Variants in ARHGAP31 observed in about 807,000 individuals in gnomAD.
ARHGAP31 encodes the protein Rho GTPase activating protein 31, also known as rho GTPase-activating protein 31.
In ARHGAP31, 34 loss-of-function variants were observed where a neutral mutation model predicts 113.9. That is an observed-to-expected ratio of 0.30 (90% CI 0.23 to 0.40). The LOEUF (loss-of-function observed/expected upper bound fraction) is 0.40. Among genes scored for constraint, ARHGAP31 ranks in the 10% least tolerant of loss-of-function variants. The probability of loss-of-function intolerance (pLI) is 1.00; values close to 1 mark genes in which losing one functional copy is unlikely to be tolerated. For missense variants in ARHGAP31, 1,548 were observed against 1,767.1 expected (o/e 0.88, Z 2.22); for synonymous variants, 650 against 684.8 (o/e 0.95, Z 0.79).
intron 4 of ARHGAP31, 104 bp downstream of exon 4, chr3:119,381,090 G>A: frequency 8.6e-7 from 1 of 1,166,710 alleles, no homozygotes; most frequent in Non-Finnish European, 1.3e-6. Context: ...ACAGTAGCAA[G>A]TTTAGGCTTT....
At chr3:119,335,503 G>A (rs880097) in intron 1 of ARHGAP31, among the ~76,000 whole-genome samples, 8,507 of 152,280 alleles carry the variant, frequency 0.056, 255 homozygotes, top group Middle Eastern at 0.071. Context: ...GCCAGGGGAT[G>A]TCTGTGGAAA....
intron 9 of ARHGAP31, among the ~76,000 whole-genome samples, chr3:119,401,061 C>T (rs1046897142): frequency 4.6e-5 from 7 of 151,826 alleles, no homozygotes; most frequent in African/African-American, 1.7e-4. Flanking sequence ...ATCCCAGCTA[C>T]TCAGGAGGTT....
At chr3:119,386,090 T>C (rs775956609) in intron 6 of ARHGAP31, among the ~76,000 whole-genome samples, 2 of 152,250 alleles carry the variant, frequency 1.3e-5, no homozygotes, top group African/African-American at 2.4e-5. Context: ...ATTATTCACA[T>C]ACATTTCATT....
At chr3:119,299,918 T>C (rs2079565651) in intron 1 of ARHGAP31, among the ~76,000 whole-genome samples, 1 of 152,252 alleles carries the variant, frequency 6.6e-6, no homozygotes, top group Admixed American at 6.5e-5. Context: ...GTTTTTTCTT[T>C]GGCTTAGCTG....
In ARHGAP31 at chr3:119,341,374, T is replaced by C. The variant is rs183035861; in HGVS notation, c.101-23942T>C. 4.6e-5 allele frequency among the ~76,000 whole-genome samples: 7 copies of C among 152,306 alleles called. No individual in the cohort carries two copies. The East Asian group carries it at 9.6e-4, about 21-fold the overall frequency. ...AACAGCAAACTAGTATGTAACACTTTTTATGTCAGGCACTGTTCTAAGTGC... is the reference window on the plus strand; with the variant it reads ...AACAGCAAACTAGTATGTAACACTTCTTATGTCAGGCACTGTTCTAAGTGC... On this transcript the variant is annotated intron_variant, in intron 1 of 11. Transcript: ENST00000264245.
chr3:119,324,011 C>T (rs779207489), intron 1 of ARHGAP31, among the ~76,000 whole-genome samples: 7 of 152,158 alleles, frequency 4.6e-5, no homozygotes, highest in Non-Finnish European at 1.0e-4. Flanking sequence ...AGCACAAGGA[C>T]CCTTTGCTGC....
At chr3:119,343,336 C>T (rs2080026325) in intron 1 of ARHGAP31, among the ~76,000 whole-genome samples, 1 of 152,306 alleles carries the variant, frequency 6.6e-6, no homozygotes, top group African/African-American at 2.4e-5. Context: ...AGGGAGTAAA[C>T]TTCCCTCAGC....
intron 1 of ARHGAP31, among the ~76,000 whole-genome samples, chr3:119,360,315 C>T (rs748309253): frequency 2.6e-5 from 4 of 152,160 alleles, no homozygotes; most frequent in Admixed American, 6.5e-5. Context: ...AGAGAGGGGA[C>T]GAAATCTGAC....
intron 1 of ARHGAP31, among the ~76,000 whole-genome samples, chr3:119,331,208 A>G (rs1342487058): frequency 2.0e-5 from 3 of 152,168 alleles, no homozygotes; most frequent in Admixed American, 1.3e-4. Context: ...ATGCTAAATA[A>G]TAAAACATTG....
chr3:119,365,047 T>C (rs571138567), intron 1 of ARHGAP31, among the ~76,000 whole-genome samples: 1 of 152,216 alleles, frequency 6.6e-6, no homozygotes, highest in African/African-American at 2.4e-5. Flanking sequence ...TGAGCCAAGA[T>C]TGCGCCACTG....
intron 10 of ARHGAP31, 127 bp from the exon 11 acceptor site, chr3:119,409,369 C>T (rs1033732814): frequency 1.6e-5 from 17 of 1,071,260 alleles, no homozygotes; most frequent in Middle Eastern, 2.7e-4. Flanking sequence ...ATGCAAGGGG[C>T]GGTGAGCTGA....
chr3:119,407,163 T>C, intron 10 of ARHGAP31, among the ~76,000 whole-genome samples: 1 of 151,846 alleles, frequency 6.6e-6, no homozygotes, highest in East Asian at 1.9e-4. Flanking sequence ...CTGGCAAACA[T>C]GATGAAACCC....
At chr3:119,411,026 C>A (rs2080711245) in intron 11 of ARHGAP31, among the ~76,000 whole-genome samples, 2 of 152,050 alleles carry the variant, frequency 1.3e-5, no homozygotes, top group African/African-American at 4.8e-5. Context: ...AGTGGGTGGA[C>A]TAGGAAAGGA....
In ARHGAP31 at chr3:119,383,103, A is replaced by C. The variant is rs199650901; in HGVS notation, c.559A>C (p.Thr187Pro). ...NLLRSKEIEA[T>P]GCNGDAAFLA... ...CGGTAGGTCTAAAGAAATTGAAGCC[A>C]CTGGTTGCAATGGAGATGCAGCCTT... Residue 187 changes from threonine to proline, a missense_variant, in exon 6 of 12, where the codon ACT (threonine) becomes CCT (proline). Physicochemically the swap from Thr to Pro is conservative, Grantham distance 38. Transcript: ENST00000264245. 7.4e-6 allele frequency: 12 copies of C among 1,614,228 alleles called. No individual in the cohort carries two copies. The Admixed American group carries it at 1.7e-4, about 22-fold the overall frequency.
intron 3 of ARHGAP31, among the ~76,000 whole-genome samples, chr3:119,374,297 A>G (rs2080329273): frequency 6.6e-6 from 1 of 152,058 alleles, no homozygotes; most frequent in Non-Finnish European, 1.5e-5. Context: ...GGGACCTCCC[A>G]CTTTGCTCTC....
intron 1 of ARHGAP31, among the ~76,000 whole-genome samples, chr3:119,340,707 T>C (rs1033280357): frequency 1.3e-5 from 2 of 152,190 alleles, no homozygotes; most frequent in African/African-American, 2.4e-5. Context: ...AGTGTGGCCG[T>C]GGGTGCCGTT....
intron 6 of ARHGAP31, among the ~76,000 whole-genome samples, chr3:119,389,670 G>A (rs1577025093): frequency 6.6e-6 from 1 of 152,236 alleles, no homozygotes; most frequent in South Asian, 2.1e-4. Context: ...CACCCACAGA[G>A]GGTCATGCTC....
intron 1 of ARHGAP31, among the ~76,000 whole-genome samples, chr3:119,303,129 C>T (rs1007442156): frequency 2.0e-5 from 3 of 152,128 alleles, no homozygotes; most frequent in African/African-American, 7.2e-5. Context: ...GGTGAGTTCC[C>T]CCGAAGGCAG....
intron 6 of ARHGAP31, among the ~76,000 whole-genome samples, chr3:119,384,928 CTT>C (rs113212997): frequency 1.8e-4 from 26 of 141,558 alleles, no homozygotes; most frequent in East Asian, 2.0e-4. Flanking sequence ...TCTTTGGTGA[CTT>C]TTTTTTTTTT....
Sources: allele counts gnomAD v4.1 joint callset (sites outside exome capture counted in the v4.1 genomes callset), GRCh38; gene constraint gnomAD v4.1.1; transcripts MANE v1.5; gene names NCBI Gene and HGNC (gene_info 2026-07-23, HGNC 2026-07-21).